GLI3: variants seen among roughly 807,000 people sequenced by gnomAD.
The protein encoded by GLI3 is transcription activator GLI3.
GLI3 carries 20 observed loss-of-function variants against 100.8 expected under a neutral mutation model. The ratio of observed to expected loss-of-function variants is 0.20; its 90% confidence interval spans 0.14 to 0.29. The LOEUF (loss-of-function observed/expected upper bound fraction) is 0.29, where lower values mean the gene tolerates loss of function less well. Among genes scored for constraint, GLI3 ranks in the 10% least tolerant of loss-of-function variants. The pLI is 1.00. For missense variants in GLI3, 2,040 were observed against 2,128.5 expected (o/e 0.96, Z 0.82); for synonymous variants, 938 against 860.5 (o/e 1.09, Z -1.58).
intron 2 of GLI3, chr7:42,222,822 T>A: frequency 2.8e-6 from 1 of 361,066 alleles, no homozygotes; most frequent in East Asian, 6.7e-5. Flanking sequence ...CACAAAGCAT[T>A]TTGAACTCTT....
intron 5 of GLI3, among the ~76,000 whole-genome samples, chr7:42,046,594 C>A (rs1784250389): frequency 6.6e-6 from 1 of 152,180 alleles, no homozygotes; most frequent in Non-Finnish European, 1.5e-5. Flanking sequence ...ATATACTCGT[C>A]ATCAAATGCT....
intron 10 of GLI3, among the ~76,000 whole-genome samples, chr7:41,992,549 A>G (rs935982604): frequency 6.6e-6 from 1 of 152,204 alleles, no homozygotes; most frequent in Non-Finnish European, 1.5e-5. Context: ...ACACCTACAC[A>G]GTATTTTAAA....
At chr7:42,078,578 T>C (rs1436743764) in intron 3 of GLI3, among the ~76,000 whole-genome samples, 1 of 152,018 alleles carries the variant, frequency 6.6e-6, no homozygotes, top group Non-Finnish European at 1.5e-5. Flanking sequence ...GTGACTGTCA[T>C]AAGATTGAGT....
At chr7:42,140,417 A>T (rs57670601) in intron 3 of GLI3, among the ~76,000 whole-genome samples, 4,059 of 152,322 alleles carry the variant, frequency 0.027, 135 homozygotes, top group African/African-American at 0.08. Context: ...CTTTATTTTG[A>T]TCTAAGAAGA....
intron 3 of GLI3, among the ~76,000 whole-genome samples, chr7:42,122,076 A>G (rs1786014441): frequency 6.7e-6 from 1 of 148,700 alleles, no homozygotes; most frequent in African/African-American, 2.5e-5. Flanking sequence ...TTATCTCCCA[A>G]TGTCTGTGAC....
At chr7:42,255,478 A>G (rs556351612) in intron 1 of GLI3, among the ~76,000 whole-genome samples, 1 of 152,148 alleles carries the variant, frequency 6.6e-6, no homozygotes, top group Non-Finnish European at 1.5e-5. Flanking sequence ...GCGTGCATCA[A>G]TTCCTGCTCC....
intron 5 of GLI3, 105 bp from the exon 6 acceptor site, chr7:42,045,635 T>C (rs753691092): frequency 4.7e-5 from 45 of 952,042 alleles, no homozygotes; most frequent in Non-Finnish European, 6.6e-5. Flanking sequence ...CAGCAATTCC[T>C]TTTATGGCTT....
chr7:42,168,848 G>A (rs148936874), intron 2 of GLI3, among the ~76,000 whole-genome samples: 2,311 of 152,198 alleles, frequency 0.015, 54 homozygotes, highest in African/African-American at 0.053. Context: ...AGCCTGGGAG[G>A]TTAAGGCTGC....
chr7:42,201,934 T>A (rs1033693317), intron 2 of GLI3, among the ~76,000 whole-genome samples: 3 of 151,840 alleles, frequency 2.0e-5, no homozygotes, highest in Non-Finnish European at 4.4e-5. Context: ...ATACAAAAAT[T>A]AGCTGGGCAT....
chr7:42,106,462 A>G (rs1336365862), intron 3 of GLI3, among the ~76,000 whole-genome samples: 1 of 152,208 alleles, frequency 6.6e-6, no homozygotes, highest in East Asian at 1.9e-4. Context: ...ATGAGCAAGG[A>G]CGGGCTCCTG....
intron 3 of GLI3, among the ~76,000 whole-genome samples, chr7:42,120,551 T>C (rs1336217375): frequency 6.6e-6 from 1 of 152,234 alleles, no homozygotes; most frequent in Admixed American, 6.5e-5. Flanking sequence ...CCAGTATTTA[T>C]TAAAATGCAT....
chr7:42,080,792 C>G (rs112930049), intron 3 of GLI3, among the ~76,000 whole-genome samples: 1 of 152,142 alleles, frequency 6.6e-6, no homozygotes. Flanking sequence ...CTTGGTTTGT[C>G]GTTTCTATGT....
intron 3 of GLI3, among the ~76,000 whole-genome samples, chr7:42,116,852 C>A (rs1183934815): frequency 6.6e-6 from 1 of 152,112 alleles, no homozygotes; most frequent in African/African-American, 2.4e-5. Flanking sequence ...TTATTATGGT[C>A]TCATAAGACC....
intron 1 of GLI3, among the ~76,000 whole-genome samples, chr7:42,261,816 C>T (rs1789143073): frequency 1.3e-5 from 2 of 152,022 alleles, no homozygotes; most frequent in Admixed American, 6.6e-5. Flanking sequence ...GAGTTGAAGT[C>T]TGGGTTGACC....
intron 1 of GLI3, among the ~76,000 whole-genome samples, chr7:42,246,805 C>CTAT (rs1332970657): frequency 7.8e-4 from 74 of 94,976 alleles, no homozygotes; most frequent in African/African-American, 3.0e-3. Context: ...ATGATAGAAT[C>CTAT]TTTTTTTTTT....
At chr7:42,170,778 C>T (rs2128676360) in intron 2 of GLI3, among the ~76,000 whole-genome samples, 1 of 152,270 alleles carries the variant, frequency 6.6e-6, no homozygotes. Flanking sequence ...CCAGCACTCT[C>T]ACCACAATTG....
intron 12 of GLI3, among the ~76,000 whole-genome samples, chr7:41,975,147 A>G (rs973111173): frequency 7.4e-4 from 113 of 152,360 alleles, no homozygotes; most frequent in African/African-American, 2.6e-3. Flanking sequence ...AAGTCCTGTC[A>G]GAGCTACGGT....
Position 41,966,728 on chromosome 7 carries a change from AAGGGCCAGCT to A in GLI3, c.2432-97_2432-88del. On this transcript the variant is annotated intron_variant, in intron 14 of 14. Transcript: ENST00000395925. This position sits in a 1 kb window ranked among gnomAD's most constrained non-coding sequence, Gnocchi z 5.8. ...CAGGCATGAGCAACCCTTTTCTGTA[AAGGGCCAGCT>A]AGGAACTATTTCTGGTGTCCCAGGC... 7.4e-7 allele frequency: 1 copy of A among 1,352,864 alleles called. No individual in the cohort carries two copies. Among genetic ancestry groups the A allele is most frequent in the South Asian group, 1.2e-5 (1 of 85,028 alleles). The allele number at this position is 1,352,864 out of a possible 1,614,324, so 83.8% of individuals were successfully genotyped here.
rs183935923 is a variant in GLI3, at chr7:42,226,404, A to G, written c.-42-3109T>C. Among the ~76,000 whole-genome samples the G allele has an allele frequency of 3.3e-5, 5 of 152,312 alleles. No individual in the cohort carries two copies. The East Asian group carries it at 5.8e-4, about 18-fold the overall frequency. On this transcript the variant is annotated intron_variant, in intron 1 of 14. Coordinates refer to ENST00000395925, the MANE Select transcript of GLI3 (RefSeq NM_000168.6). ...AGTTGTTGGTTTTTCCCCCAAGGCA[A>G]AGGACTTTATTTTAACAAAGCAATA...
Sources: allele counts gnomAD v4.1 joint callset (sites outside exome capture counted in the v4.1 genomes callset), GRCh38; gene constraint gnomAD v4.1.1; non-coding constraint Gnocchi (gnomAD v3.1); transcripts MANE v1.5; gene names NCBI Gene and HGNC (gene_info 2026-07-23, HGNC 2026-07-21).